The following RBPJ variants were observed in gnomAD, a reference collection of about 807,000 sequenced individuals.
The protein encoded by RBPJ is recombining binding protein suppressor of hairless.
RBPJ carries 9 observed loss-of-function variants against 67.8 expected under a neutral mutation model. The ratio of observed to expected loss-of-function variants is 0.13; its 90% CI spans 0.08 to 0.23. The LOEUF is 0.23. Among genes scored for constraint, RBPJ ranks in the 10% least tolerant of loss-of-function variants. The pLI, the probability that RBPJ is intolerant of heterozygous loss-of-function variation, is 1.00. For missense variants in RBPJ, 305 were observed against 595.6 expected, an observed-to-expected ratio of 0.51 and a Z score of 5.08; for synonymous variants, 198 against 203.3, an observed-to-expected ratio of 0.97 and a Z score of 0.22.
chr4:26,250,469 T>A (rs2109235163), intron 1 of RBPJ, among the ~76,000 whole-genome samples: 1 of 152,032 alleles, frequency 6.6e-6, no homozygotes, highest in South Asian at 2.1e-4. Flanking sequence ...GTAGCAGGGA[T>A]TACAGGTGTG....
intron 2 of RBPJ, among the ~76,000 whole-genome samples, chr4:26,394,262 C>T (rs577719130): frequency 5.3e-5 from 8 of 151,986 alleles, no homozygotes; most frequent in African/African-American, 1.4e-4. Context: ...CTCCTGACCA[C>T]GTGATCCGCC....
upstream of RBPJ, among the ~76,000 whole-genome samples, chr4:26,314,694 A>C (rs576017982): frequency 9.8e-5 from 15 of 152,334 alleles, no homozygotes; most frequent in African/African-American, 3.1e-4. Context: ...CCCCAGAAGC[A>C]GATGCTGTCA....
At chr4:26,147,159 C>T in the RBPJ span, among the ~76,000 whole-genome samples, 23 of 152,282 alleles carry the variant, frequency 1.5e-4, no homozygotes, top group African/African-American at 4.8e-4. Flanking sequence ...AAAAATGTAC[C>T]ACTCAGAGTT....
intron 2 of RBPJ, among the ~76,000 whole-genome samples, chr4:26,397,429 AT>A (rs34331581): frequency 1.3e-5 from 2 of 152,172 alleles, no homozygotes; most frequent in Non-Finnish European, 2.9e-5. Context: ...TTATAAAAAA[AT>A]TCTTGATTGA....
At chr4:26,301,328 C>T (rs1243951612) in intron 1 of RBPJ, among the ~76,000 whole-genome samples, 1 of 152,130 alleles carries the variant, frequency 6.6e-6, no homozygotes. Context: ...CATGGTGGCT[C>T]ACACCTGTAA....
the RBPJ span, among the ~76,000 whole-genome samples, chr4:26,138,615 G>A: frequency 2.6e-5 from 4 of 152,208 alleles, no homozygotes; most frequent in Non-Finnish European, 4.4e-5. Flanking sequence ...TCGCTGCTCT[G>A]GAGTCTGAGT....
chr4:26,276,444 G>T (rs1467107054), intron 1 of RBPJ, among the ~76,000 whole-genome samples: 4 of 152,138 alleles, frequency 2.6e-5, no homozygotes, highest in Non-Finnish European at 5.9e-5. Context: ...GCTTGGGCAA[G>T]GCTTGGTGGT....
intron 1 of RBPJ, chr4:26,163,656 A>G (rs1231024085): frequency 6.6e-6 from 1 of 152,226 alleles, no homozygotes; most frequent in East Asian, 1.9e-4. Context: ...TATGTTGCCC[A>G]TAAAAATACT....
intron 2 of RBPJ, among the ~76,000 whole-genome samples, chr4:26,392,634 A>G (rs1211293662): frequency 1.3e-5 from 2 of 152,240 alleles, no homozygotes; most frequent in African/African-American, 2.4e-5. Flanking sequence ...TACTGACAAA[A>G]ACTAGATCAG....
chr4:26,207,348 T>TA (rs56399774), intron 1 of RBPJ, among the ~76,000 whole-genome samples: 76 of 150,936 alleles, frequency 5.0e-4, no homozygotes, highest in Non-Finnish European at 3.2e-4. Context: ...TGTGTGTTTC[T>TA]AAAAAAAAAA....
intron 1 of RBPJ, among the ~76,000 whole-genome samples, chr4:26,247,258 A>C (rs950873903): frequency 1.3e-5 from 2 of 152,200 alleles, no homozygotes; most frequent in East Asian, 3.9e-4. Flanking sequence ...AAATTAACTT[A>C]TAAAGAATTT....
At chr4:26,340,526 G>A (rs1430715773) in intron 1 of RBPJ, among the ~76,000 whole-genome samples, 1 of 152,112 alleles carries the variant, frequency 6.6e-6, no homozygotes, top group East Asian at 1.9e-4. Flanking sequence ...AGAGGATTCT[G>A]CAACAATTCA....
At chr4:26,268,336 A>T (rs1215095121) in intron 1 of RBPJ, among the ~76,000 whole-genome samples, 1 of 152,102 alleles carries the variant, frequency 6.6e-6, no homozygotes. Flanking sequence ...TCAGTATTGG[A>T]AATTGGGCTG....
intron 7 of RBPJ, among the ~76,000 whole-genome samples, chr4:26,425,682 A>G (rs1735578534): frequency 6.6e-6 from 1 of 152,176 alleles, no homozygotes; most frequent in Non-Finnish European, 1.5e-5. Flanking sequence ...AAAGTCCTCT[A>G]TAGTGCCACC....
chr4:26,313,307 G>A (rs369536653), intron 1 of RBPJ, among the ~76,000 whole-genome samples: 3 of 152,062 alleles, frequency 2.0e-5, no homozygotes, highest in Admixed American at 6.6e-5. Context: ...CGAGGTGGGC[G>A]GATCACCTGA....
chr4:26,366,050 C>T (rs925781525), intron 1 of RBPJ, among the ~76,000 whole-genome samples: 2 of 152,142 alleles, frequency 1.3e-5, no homozygotes, highest in Non-Finnish European at 2.9e-5. Flanking sequence ...CCTAATGAAA[C>T]AGAAAAGAAC....
chr4:26,414,859 C>T (rs1205826465), intron 3 of RBPJ, among the ~76,000 whole-genome samples: 1 of 152,182 alleles, frequency 6.6e-6, no homozygotes, highest in Admixed American at 6.5e-5. Flanking sequence ...CAGATATCTA[C>T]AGCGCACCAG....
chr4:26,165,753 A>G (rs1439138988), intron 1 of RBPJ, among the ~76,000 whole-genome samples: 1 of 151,010 alleles, frequency 6.6e-6, no homozygotes, highest in Admixed American at 6.6e-5. Flanking sequence ...TTTAGGGTAC[A>G]TGTGCACAAT....
intron 1 of RBPJ, among the ~76,000 whole-genome samples, chr4:26,354,039 T>A (rs992287454): frequency 6.6e-6 from 1 of 152,000 alleles, no homozygotes; most frequent in Non-Finnish European, 1.5e-5. Flanking sequence ...CACGCCATTC[T>A]CCTGCCTCAG....
Sources: allele counts gnomAD v4.1 joint callset (sites outside exome capture counted in the v4.1 genomes callset), GRCh38; gene constraint gnomAD v4.1.1; transcripts MANE v1.5; gene names NCBI Gene and HGNC (gene_info 2026-07-23, HGNC 2026-07-21).